The following DIPK1C variants were observed in gnomAD, a reference collection of about 807,000 sequenced individuals.
DIPK1C encodes divergent protein kinase domain 1C, also known as familial non-conventional Alzheimer's dementia.
Under a neutral mutation model 28.0 loss-of-function variants are expected in DIPK1C, and 33 were observed. The observed-to-expected ratio is 1.18, with a 90% CI of 0.89 to 1.58. DIPK1C has a LOEUF of 1.58. Ranked by LOEUF, DIPK1C falls within the 40% of genes most tolerant of loss-of-function variation. DIPK1C has a pLI of 0.00. For missense variants in DIPK1C, 569 were observed against 568.5 expected, an observed-to-expected ratio of 1.00 and a Z score of -0.01; for synonymous variants, 255 against 248.8, an observed-to-expected ratio of 1.02 and a Z score of -0.23.
At chr18:74,448,412 C>A (rs944797824) in intron 1 of DIPK1C, among the ~76,000 whole-genome samples, 1 of 152,202 alleles carries the variant, frequency 6.6e-6, no homozygotes, top group Admixed American at 6.5e-5. Context: ...GTTGTTCTCA[C>A]CCCATTTCAT....
chr18:74,452,308 C>T (rs946063363), intron 1 of DIPK1C, among the ~76,000 whole-genome samples: 2 of 152,162 alleles, frequency 1.3e-5, no homozygotes, highest in East Asian at 1.9e-4. Context: ...GTGCAAAATT[C>T]GTCTCCCATG....
intron 1 of DIPK1C, among the ~76,000 whole-genome samples, chr18:74,456,514 G>A (rs1293132442): frequency 6.6e-6 from 1 of 152,220 alleles, no homozygotes. Flanking sequence ...ACCGCGGAGA[G>A]CCTGGGCTCT....
chr18:74,442,233 T>G (rs1599036196), intron 2 of DIPK1C, 117 bp from the exon 3 acceptor site: 1 of 1,175,902 alleles, frequency 8.5e-7, no homozygotes, highest in Non-Finnish European at 1.2e-6. Context: ...TCACAGGTGA[T>G]CCCAGAAGTC....
chr18:74,434,825 T>C lies in DIPK1C; in HGVS notation c.*1676A>G, dbSNP rs766647544. On this transcript the variant is annotated 3_prime_UTR_variant, in exon 4 of 4. Coordinates refer to ENST00000343998, the MANE Select transcript of DIPK1C (RefSeq NM_001044369.3). ...TGCTCGTGCCACAGGGTGACTGACA[T>C]GGGTTTTTTCCTTCTTGCTAGAATA... 4.6e-5 allele frequency: 7 copies of C among 152,352 alleles called. No individual in the cohort carries two copies. In the South Asian group the frequency reaches 1.4e-3, roughly 32 times the overall value. The allele number at this position is 152,352 out of a possible 1,614,324, so 9.4% of individuals were successfully genotyped here.
chr18:74,447,499 C>G lies in DIPK1C; in HGVS notation c.199-216G>C, dbSNP rs1174475782. ...AGCCGCTCACAGTCATTACACGACTCAGTCAGGCCTAGGACGGGTCTACAG... is the reference window on the plus strand; with the variant it reads ...AGCCGCTCACAGTCATTACACGACTGAGTCAGGCCTAGGACGGGTCTACAG... On this transcript the variant is annotated intron_variant, in intron 1 of 3. Coordinates refer to ENST00000343998, the MANE Select transcript of DIPK1C (RefSeq NM_001044369.3). This position sits in a 1 kb window ranked among gnomAD's most constrained non-coding sequence, Gnocchi z 4.1. Among the ~76,000 whole-genome samples the G allele has an allele frequency of 6.6e-6, 1 of 152,220 alleles. No homozygotes were observed. The highest frequency in any genetic ancestry group is 2.4e-5 in the African/African-American group (1 of 41,462).
At chr18:74,441,788 A>G (rs926698737) in intron 3 of DIPK1C, among the ~76,000 whole-genome samples, 164 bp downstream of exon 3, 3 of 152,206 alleles carry the variant, frequency 2.0e-5, no homozygotes, top group Admixed American at 1.3e-4. Flanking sequence ...AACCAAGAGC[A>G]CGATTGTCCC....
intron 2 of DIPK1C, among the ~76,000 whole-genome samples, chr18:74,446,201 A>C (rs1265245928): frequency 6.6e-6 from 1 of 152,212 alleles, no homozygotes; most frequent in Non-Finnish European, 1.5e-5. Context: ...CAGCCTCTCC[A>C]CACCGGAGGC....
At chr18:74,457,446 C>T (rs866640186), upstream of DIPK1C, among the ~76,000 whole-genome samples, 1 of 151,928 alleles carries the variant, frequency 6.6e-6, no homozygotes. Flanking sequence ...AGCAACACCC[C>T]GCGCGCCCCG....
At chr18:74,457,836 G>T (rs1332579622), upstream of DIPK1C, 2 of 151,944 alleles carry the variant, frequency 1.3e-5, no homozygotes, top group Non-Finnish European at 2.9e-5. Context: ...AGAGTCGGGG[G>T]TCGAGGACAG....
Position 74,436,434 on chromosome 18 carries a change from A to C in DIPK1C, c.*67T>G. ...ACAGGGGAAATGGCTCATCTTTAAAACAATGGCAGAAGAAATCCAGCCAAG... is the reference window on the plus strand; with the variant it reads ...ACAGGGGAAATGGCTCATCTTTAAACCAATGGCAGAAGAAATCCAGCCAAG... On this transcript the variant is annotated 3_prime_UTR_variant, in exon 4 of 4. Coordinates refer to ENST00000343998, the MANE Select transcript of DIPK1C (RefSeq NM_001044369.3). 1 of 1,447,694 alleles carries C rather than the reference A, an allele frequency of 6.9e-7. No individual in the cohort carries two copies. The highest frequency in any genetic ancestry group is 9.3e-7 in the Non-Finnish European group (1 of 1,076,566). The allele number at this position is 1,447,694 out of a possible 1,614,324, so 89.7% of individuals were successfully genotyped here.
chr18:74,442,385 G>A (rs12968877), intron 2 of DIPK1C, among the ~76,000 whole-genome samples: 3 of 151,894 alleles, frequency 2.0e-5, no homozygotes, highest in African/African-American at 4.8e-5. Flanking sequence ...CTGGAGTGCA[G>A]TGGCGCGATC....
In DIPK1C at chr18:74,447,384, A is replaced by G. The variant is rs1986298933; in HGVS notation, c.199-101T>C. The G allele has an allele frequency of 1.7e-6, 2 of 1,186,946 alleles. No individual in the cohort carries two copies. 73.5% of individuals were successfully genotyped at this position (1,186,946 alleles called of 1,614,324 possible). A position where few individuals can be genotyped will look rare whatever the true frequency, so the allele number is the denominator to read the frequency against. ...GGACAGCCTAGCCTCTGCCCTCAGG[A>G]CGCTGATAATCCAGCTGTGCAGAGA... On this transcript the variant is annotated intron_variant, in intron 1 of 3. Coordinates refer to ENST00000343998, the MANE Select transcript of DIPK1C (RefSeq NM_001044369.3). The surrounding 1 kb of genome is among the most constrained non-coding windows in gnomAD (Gnocchi z 4.1).
chr18:74,442,330 CTTTT>C (rs113419163), intron 2 of DIPK1C, among the ~76,000 whole-genome samples: 2 of 150,768 alleles, frequency 1.3e-5, no homozygotes, highest in African/African-American at 2.4e-5. Flanking sequence ...TTTTCTTTTT[CTTTT>C]TTTTTTTTAA....
Position 74,446,487 on chromosome 18 carries a change from G to A in DIPK1C, c.876+119C>T. The A allele has an allele frequency of 2.0e-6, 2 of 1,002,608 alleles. 1 individual carries two copies. The highest frequency in any genetic ancestry group is 5.9e-5 in the South Asian group (2 of 33,662). 62.1% of individuals were successfully genotyped at this position (1,002,608 alleles called of 1,614,324 possible). ...TGGTAGGTGGGAGTTCTCTAAGGCT[G>A]CAGAAGCAACAGTAGTTTGCTAACT... On this transcript the variant is annotated intron_variant, in intron 2 of 3. Coordinates refer to ENST00000343998, the MANE Select transcript of DIPK1C (RefSeq NM_001044369.3).
intron 3 of DIPK1C, among the ~76,000 whole-genome samples, chr18:74,437,422 A>T (rs1048399965): frequency 6.6e-6 from 1 of 152,140 alleles, no homozygotes; most frequent in Non-Finnish European, 1.5e-5. Flanking sequence ...GATCACTAGA[A>T]ATTTCTCCCT....
rs574576708 is a variant in DIPK1C at position 74,447,973 on chromosome 18, C to T, written c.199-690G>A. On this transcript the variant is annotated intron_variant, in intron 1 of 3. Coordinates refer to ENST00000343998, the MANE Select transcript of DIPK1C (RefSeq NM_001044369.3). The surrounding 1 kb of genome is among the most constrained non-coding windows in gnomAD (Gnocchi z 4.1). ...AGGATAAAAGAGTAGGGAGTGTTTGCATCTGAGCGGCGGTGAGCAAGGCTG... is the reference window on the plus strand; with the variant it reads ...AGGATAAAAGAGTAGGGAGTGTTTGTATCTGAGCGGCGGTGAGCAAGGCTG... 3.3e-5 allele frequency among the ~76,000 whole-genome samples: 5 copies of T among 152,224 alleles called. 1 individual carries two copies. Among genetic ancestry groups the T allele is most frequent in the Admixed American group, 3.3e-4 (5 of 15,298 alleles).
rs1166916198 is a variant in DIPK1C at position 74,447,055 on chromosome 18, G to A, written c.427C>T (p.Pro143Ser). Residue 143 changes from proline (P) to serine (S), a missense_variant, in exon 2 of 4, where the codon CCC becomes TCC. Coordinates refer to ENST00000343998, the MANE Select transcript of DIPK1C (RefSeq NM_001044369.3). The surrounding 1 kb of genome is among the most constrained non-coding windows in gnomAD (Gnocchi z 4.1). ...EEAGEGGQDMPEAELLLMVAG... is the reference protein window; with the variant it reads ...EEAGEGGQDMSEAELLLMVAG... ...ACCATCAGGAGGAGTTCGGCCTCGGGCATGTCCTGGCCACCCTCCCCTGCC... is the reference window on the plus strand; with the variant it reads ...ACCATCAGGAGGAGTTCGGCCTCGGACATGTCCTGGCCACCCTCCCCTGCC... The A allele has an allele frequency of 6.5e-7, 1 of 1,550,002 alleles. No homozygotes were observed. The highest frequency in any genetic ancestry group is 1.2e-5 in the South Asian group (1 of 83,984).
chr18:74,446,251 C>A (rs147269199), intron 2 of DIPK1C, among the ~76,000 whole-genome samples: 3 of 152,308 alleles, frequency 2.0e-5, no homozygotes, highest in African/African-American at 4.8e-5. Context: ...TTGCCTCCTG[C>A]GGACTGTTTT....
intron 2 of DIPK1C, among the ~76,000 whole-genome samples, chr18:74,445,168 C>T (rs758009597): frequency 1.3e-5 from 2 of 152,116 alleles, no homozygotes; most frequent in African/African-American, 2.4e-5. Context: ...GGGGGTTGTA[C>T]GTGGACACTC....
Sources: allele counts gnomAD v4.1 joint callset (sites outside exome capture counted in the v4.1 genomes callset), GRCh38; gene constraint gnomAD v4.1.1; non-coding constraint Gnocchi (gnomAD v3.1); transcripts MANE v1.5; gene names NCBI Gene and HGNC (gene_info 2026-07-23, HGNC 2026-07-21).